The following ST6GALNAC3 variants were observed in gnomAD, a reference collection of about 807,000 sequenced individuals.
ST6GALNAC3 encodes the protein ST6 N-acetylgalactosaminide alpha-2,6-sialyltransferase 3, also known as alpha-N-acetylgalactosaminide alpha-2,6-sialyltransferase 3.
A neutral mutation model predicts 32.7 loss-of-function variants in ST6GALNAC3; 25 were observed. The observed-to-expected ratio is 0.76, with a 90% CI of 0.56 to 1.07. The LOEUF (loss-of-function observed/expected upper bound fraction) is 1.07. ST6GALNAC3 is among the 50% of genes least tolerant of loss of function. The pLI is 0.00. For missense variants in ST6GALNAC3, 355 were observed against 382.4 expected (o/e 0.93, Z 0.60); for synonymous variants, 129 against 133.1 (o/e 0.97, Z 0.21).
At chr1:76,218,999 G>A (rs192746562) in intron 1 of ST6GALNAC3, among the ~76,000 whole-genome samples, 1 of 152,112 alleles carries the variant, frequency 6.6e-6, no homozygotes, top group Non-Finnish European at 1.5e-5. Context: ...CCATTTTATG[G>A]CTAAGGAAAC....
intron 3 of ST6GALNAC3, among the ~76,000 whole-genome samples, chr1:76,531,660 C>G (rs919991747): frequency 5.3e-5 from 8 of 152,010 alleles, no homozygotes; most frequent in African/African-American, 1.9e-4. Flanking sequence ...ATTCCAGGTA[C>G]AAAATACAAT....
intron 2 of ST6GALNAC3, among the ~76,000 whole-genome samples, chr1:76,337,190 C>T (rs1340404685): frequency 1.3e-5 from 2 of 152,202 alleles, no homozygotes; most frequent in Admixed American, 1.3e-4. Flanking sequence ...GGGCTAACCC[C>T]CGCCCCTTGG....
intron 1 of ST6GALNAC3, among the ~76,000 whole-genome samples, chr1:76,292,273 GTAGCTTCAGTAGAGTGGGAAATGA>G (rs139139223): frequency 0.31 from 47,506 of 151,834 alleles, 8,512 homozygotes; most frequent in Non-Finnish European, 0.41. Flanking sequence ...ATTAGAAATG[GTAGCTTCAGTAGAGTGGGAAATGA>G]TAGCTTCAGT....
intron 3 of ST6GALNAC3, among the ~76,000 whole-genome samples, chr1:76,527,503 A>G (rs1249493150): frequency 6.6e-6 from 1 of 152,072 alleles, no homozygotes; most frequent in Non-Finnish European, 1.5e-5. Context: ...CAGTGGATTG[A>G]TTCAAAAAAA....
chr1:76,087,435 A>G (rs1253515278), intron 1 of ST6GALNAC3, among the ~76,000 whole-genome samples: 1 of 152,234 alleles, frequency 6.6e-6, no homozygotes, highest in African/African-American at 2.4e-5. Context: ...GAATCTAAGT[A>G]CTGTGGGTAA....
chr1:76,530,315 T>C (rs1320193776), intron 3 of ST6GALNAC3, among the ~76,000 whole-genome samples: 1 of 152,160 alleles, frequency 6.6e-6, no homozygotes, highest in African/African-American at 2.4e-5. Context: ...AAGGCAAACA[T>C]GTAAACCAGC....
At chr1:76,356,960 C>T (rs1557818314) in intron 2 of ST6GALNAC3, among the ~76,000 whole-genome samples, 4 of 151,852 alleles carry the variant, frequency 2.6e-5, no homozygotes, top group Admixed American at 2.6e-4. Flanking sequence ...ATAGGTAACC[C>T]AAGGTACGCA....
chr1:76,402,457 T>C (rs1251002636), intron 2 of ST6GALNAC3, among the ~76,000 whole-genome samples: 1 of 152,166 alleles, frequency 6.6e-6, no homozygotes. Context: ...TGCCCATGAC[T>C]ATTTCTCAAC....
intron 3 of ST6GALNAC3, among the ~76,000 whole-genome samples, chr1:76,452,424 T>C (rs1372177301): frequency 3.9e-5 from 6 of 152,178 alleles, no homozygotes; most frequent in Admixed American, 3.9e-4. Flanking sequence ...CAAATACAGA[T>C]GGCTTTTATT....
chr1:76,456,929 A>G (rs1231861224), intron 3 of ST6GALNAC3, among the ~76,000 whole-genome samples: 3 of 152,120 alleles, frequency 2.0e-5, no homozygotes, highest in South Asian at 2.1e-4. Flanking sequence ...GTTTGCAGAC[A>G]ACATGACTGT....
At chr1:76,122,930 A>G (rs185320942) in intron 1 of ST6GALNAC3, among the ~76,000 whole-genome samples, 18 of 152,298 alleles carry the variant, frequency 1.2e-4, no homozygotes, top group Admixed American at 1.2e-3. Flanking sequence ...CGTCAGTGCT[A>G]CTTAGAGTGG....
intron 2 of ST6GALNAC3, among the ~76,000 whole-genome samples, chr1:76,391,538 T>A (rs948929659): frequency 2.9e-5 from 4 of 136,614 alleles, no homozygotes; most frequent in Non-Finnish European, 6.2e-5. Flanking sequence ...CTTCCTTCCT[T>A]CCTTCCTTCC....
chr1:76,535,833 C>A (rs192952194), intron 3 of ST6GALNAC3, among the ~76,000 whole-genome samples: 2 of 151,116 alleles, frequency 1.3e-5, no homozygotes, highest in African/African-American at 4.9e-5. Context: ...TTCTCTAGGT[C>A]GAGAGGTAAA....
At chr1:76,138,172 G>C (rs559378413) in intron 1 of ST6GALNAC3, among the ~76,000 whole-genome samples, 8 of 152,300 alleles carry the variant, frequency 5.3e-5, no homozygotes, top group Non-Finnish European at 1.2e-4. Context: ...ATGTCAAAAA[G>C]TGCTGGTTGA....
At chr1:76,219,590 A>G (rs1380313959) in intron 1 of ST6GALNAC3, among the ~76,000 whole-genome samples, 1 of 152,200 alleles carries the variant, frequency 6.6e-6, no homozygotes, top group Non-Finnish European at 1.5e-5. Context: ...GAACCATCAC[A>G]TGGCGATTTT....
chr1:76,090,003 G>A (rs1238706899), intron 1 of ST6GALNAC3, among the ~76,000 whole-genome samples: 1 of 152,152 alleles, frequency 6.6e-6, no homozygotes, highest in South Asian at 2.1e-4. Context: ...ATACACCTGG[G>A]TGTGCACTGA....
chr1:76,441,168 C>T (rs1186726798), intron 3 of ST6GALNAC3, among the ~76,000 whole-genome samples: 1 of 150,752 alleles, frequency 6.6e-6, no homozygotes, highest in African/African-American at 2.4e-5. Flanking sequence ...TGGACTTGCT[C>T]AACATAAACT....
intron 1 of ST6GALNAC3, among the ~76,000 whole-genome samples, chr1:76,079,733 GC>G (rs760838428): frequency 5.3e-5 from 8 of 152,022 alleles, no homozygotes; most frequent in Non-Finnish European, 1.2e-4. Context: ...TCCTCCCCCT[GC>G]CCCAGATCTA....
chr1:76,314,069 G>A, intron 2 of ST6GALNAC3, 70 bp downstream of exon 2: 1 of 1,477,476 alleles, frequency 6.8e-7, no homozygotes, highest in Non-Finnish European at 9.1e-7. Context: ...AGGAGCCAGA[G>A]GGCTTCCAAC....
Sources: gnomAD v4.1 joint callset for allele counts (sites outside exome capture counted in the v4.1 genomes callset) on GRCh38, gnomAD v4.1.1 for gene constraint, MANE v1.5 for transcripts, NCBI Gene and HGNC (gene_info 2026-07-23, HGNC 2026-07-21) for gene names.